CPA6: variants seen among roughly 807,000 people sequenced by gnomAD.
The protein encoded by CPA6 is carboxypeptidase B.
CPA6 carries 58 observed loss-of-function variants against 63.3 expected under a neutral mutation model. The observed-to-expected ratio is 0.92, with a 90% confidence interval of 0.74 to 1.14. The LOEUF (loss-of-function observed/expected upper bound fraction) is 1.14, where lower values mean the gene tolerates loss of function less well. Ranked by LOEUF, CPA6 falls within the 50% of genes most tolerant of loss-of-function variation. CPA6 has a pLI of 0.00. For missense variants in CPA6, 565 were observed against 526.6 expected, an observed-to-expected ratio of 1.07 and a Z score of -0.71; for synonymous variants, 185 against 179.0, an observed-to-expected ratio of 1.03 and a Z score of -0.27.
At chr8:67,709,757 C>A (rs1171185900) in intron 1 of CPA6, among the ~76,000 whole-genome samples, 2 of 151,988 alleles carry the variant, frequency 1.3e-5, no homozygotes, top group African/African-American at 2.4e-5. Context: ...TTGGTTCAGC[C>A]CAAAAGGGCA....
At position 67,556,226 on chromosome 8, in the gene CPA6, C is replaced by T. The variant is rs113528177; in HGVS notation, c.193-38179G>A. 6.5e-3 allele frequency among the ~76,000 whole-genome samples: 985 copies of T among 152,238 alleles called. 11 individuals carry two copies. Among genetic ancestry groups the T allele is most frequent in the African/African-American group, 0.022 (934 of 41,546 alleles). ...TTATGGGAGATGGGGTTTCTGCGTT[C>T]GTAGGAGCTCAGGAACAAGTTTAGG... On this transcript the variant is annotated intron_variant, in intron 2 of 10. Transcript: ENST00000297770.
chr8:67,443,307 G>A (rs997952829), intron 8 of CPA6, among the ~76,000 whole-genome samples: 5 of 152,072 alleles, frequency 3.3e-5, no homozygotes, highest in Non-Finnish European at 5.9e-5. Context: ...TGATCCACCC[G>A]CCTCAGCCTC....
At position 67,435,125 on chromosome 8, in the gene CPA6, T is replaced by A. The variant is rs540716588; in HGVS notation, c.839-885A>T. Among the ~76,000 whole-genome samples, 7 of 152,240 alleles carry A rather than the reference T, an allele frequency of 4.6e-5. No homozygotes were observed. In the South Asian group the frequency reaches 1.5e-3, roughly 32 times the overall value. On this transcript the variant is annotated intron_variant, in intron 8 of 10. Transcript: ENST00000297770. The stretch of plus-strand genomic sequence containing the variant: ...TCTGCAAGCCCACCTAGGAGGTCCA[T>A]CCCCAGCAAATGTTTTGGAGGTCCC...
chr8:67,438,680 T>C (rs1479736534), intron 8 of CPA6, among the ~76,000 whole-genome samples: 1 of 152,176 alleles, frequency 6.6e-6, no homozygotes, highest in Non-Finnish European at 1.5e-5. Context: ...CTTAGTAACA[T>C]CTGCTATCTA....
chr8:67,549,797 G>A (rs773971661), intron 2 of CPA6, among the ~76,000 whole-genome samples: 3 of 152,170 alleles, frequency 2.0e-5, no homozygotes, highest in Non-Finnish European at 4.4e-5. Context: ...CATCCATGGT[G>A]TCATAAACGG....
At chr8:67,651,968 C>G (rs1453074563) in intron 1 of CPA6, among the ~76,000 whole-genome samples, 1 of 152,036 alleles carries the variant, frequency 6.6e-6, no homozygotes, top group Non-Finnish European at 1.5e-5. Flanking sequence ...GTTCAATTCC[C>G]ACCTATGAGT....
intron 2 of CPA6, among the ~76,000 whole-genome samples, chr8:67,522,327 C>T (rs1381366606): frequency 6.6e-6 from 1 of 152,126 alleles, no homozygotes; most frequent in Non-Finnish European, 1.5e-5. Context: ...TTTAGAGTTT[C>T]CTGTGGCTCA....
intron 1 of CPA6, among the ~76,000 whole-genome samples, chr8:67,669,236 T>A (rs1816293418): frequency 6.6e-6 from 1 of 151,804 alleles, no homozygotes; most frequent in South Asian, 2.1e-4. Flanking sequence ...CAGTCTTAAG[T>A]GAGTGCTTTT....
At position 67,671,892 on chromosome 8, in the gene CPA6, G is replaced by A. The variant is rs1016004882; in HGVS notation, c.117-47641C>T. Among the ~76,000 whole-genome samples the A allele has an allele frequency of 2.0e-5, 3 of 152,118 alleles. No homozygotes were observed. The East Asian group carries it at 5.8e-4, about 29-fold the overall frequency. On this transcript the variant is annotated intron_variant, in intron 1 of 10. Coordinates refer to ENST00000297770, the MANE Select transcript of CPA6 (RefSeq NM_020361.5). ...ATTGTGCAGGCTGGAGTGCAGTGGT[G>A]CAATCTTGGCTCACTGCAACCTCTG... is the stretch of plus-strand genomic sequence containing the variant.
At chr8:67,715,070 C>T (rs1817349377) in intron 1 of CPA6, among the ~76,000 whole-genome samples, 1 of 152,180 alleles carries the variant, frequency 6.6e-6, no homozygotes, top group South Asian at 2.1e-4. Flanking sequence ...CACAATATTT[C>T]TGACAGCAAA....
At chr8:67,433,119 G>A (rs976560015) in intron 9 of CPA6, among the ~76,000 whole-genome samples, 1 of 152,144 alleles carries the variant, frequency 6.6e-6, no homozygotes, top group African/African-American at 2.4e-5. Context: ...AAATATACAC[G>A]TAGAAGAGTA....
intron 8 of CPA6, among the ~76,000 whole-genome samples, chr8:67,440,805 C>A (rs1455623676): frequency 6.6e-6 from 1 of 151,928 alleles, no homozygotes; most frequent in Admixed American, 6.6e-5. Flanking sequence ...GTATTATAAT[C>A]TTATGGGACC....
intron 1 of CPA6, among the ~76,000 whole-genome samples, chr8:67,704,111 T>C (rs1817082796): frequency 6.6e-6 from 1 of 152,220 alleles, no homozygotes. Flanking sequence ...GACTACTGTT[T>C]TTGCAAACAA....
intron 8 of CPA6, among the ~76,000 whole-genome samples, chr8:67,439,668 C>T (rs77977253): frequency 0.083 from 12,496 of 151,448 alleles, 1,249 homozygotes; most frequent in African/African-American, 0.24. Context: ...GGAATTAAGA[C>T]GGCAGAAATA....
At chr8:67,498,764 A>G (rs192183138) in intron 6 of CPA6, among the ~76,000 whole-genome samples, 3 of 152,246 alleles carry the variant, frequency 2.0e-5, no homozygotes, top group African/African-American at 7.2e-5. Flanking sequence ...ATTCAACAAG[A>G]GAAAGATTTT....
intron 2 of CPA6, among the ~76,000 whole-genome samples, chr8:67,542,871 A>T (rs2128971189): frequency 6.6e-6 from 1 of 152,228 alleles, no homozygotes; most frequent in South Asian, 2.1e-4. Context: ...GATCTTTCTG[A>T]ATATTGTCCT....
intron 10 of CPA6, among the ~76,000 whole-genome samples, chr8:67,424,403 T>C (rs1809839546): frequency 6.6e-6 from 1 of 152,050 alleles, no homozygotes; most frequent in African/African-American, 2.4e-5. Context: ...CCCCATTGCC[T>C]CCTCTACTGA....
intron 1 of CPA6, among the ~76,000 whole-genome samples, chr8:67,642,447 A>G (rs1224699846): frequency 1.3e-5 from 2 of 152,210 alleles, no homozygotes; most frequent in African/African-American, 2.4e-5. Context: ...GATTCTATGC[A>G]ATTCCAAACA....
intron 8 of CPA6, among the ~76,000 whole-genome samples, chr8:67,449,877 G>A (rs529550425): frequency 6.9e-5 from 10 of 144,446 alleles, no homozygotes; most frequent in South Asian, 4.4e-4. Context: ...GTGCAGTGGC[G>A]CCATCTGAGC....
Sources: gnomAD v4.1 joint callset for allele counts (sites outside exome capture counted in the v4.1 genomes callset) on GRCh38, gnomAD v4.1.1 for gene constraint, MANE v1.5 for transcripts, NCBI Gene and HGNC (gene_info 2026-07-23, HGNC 2026-07-21) for gene names.